Variants in WDR64 observed in about 807,000 individuals in gnomAD.
WDR64 encodes the protein WD repeat domain 64, also known as WD repeat-containing protein 64.
In WDR64, 112 loss-of-function variants were observed where a neutral mutation model predicts 139.3. That is an observed-to-expected ratio of 0.80 (90% CI 0.69 to 0.94). The LOEUF (loss-of-function observed/expected upper bound fraction) is 0.94, where lower values mean the gene tolerates loss of function less well. Ranked by LOEUF, WDR64 falls within the 40% of genes least tolerant of loss-of-function variation. The pLI is 0.00. For missense variants in WDR64, 1,206 were observed against 1,293.1 expected (o/e 0.93, Z 1.03); for synonymous variants, 444 against 437.7 (o/e 1.01, Z -0.18).
At chr1:241,723,596 C>T (rs562456942) in intron 10 of WDR64, among the ~76,000 whole-genome samples, 160 bp downstream of exon 10, 4 of 152,200 alleles carry the variant, frequency 2.6e-5, no homozygotes, top group Admixed American at 6.6e-5. Flanking sequence ...AGCCAATGTT[C>T]TCTCTTTCTA....
At chr1:241,748,412 G>C (rs1669845705) in intron 13 of WDR64, among the ~76,000 whole-genome samples, 1 of 152,192 alleles carries the variant, frequency 6.6e-6, no homozygotes, top group Non-Finnish European at 1.5e-5. Context: ...CTGGTTTATA[G>C]ATGGTGCCTT....
At chr1:241,787,572 G>T (rs1373153604) in intron 23 of WDR64, among the ~76,000 whole-genome samples, 1 of 151,450 alleles carries the variant, frequency 6.6e-6, no homozygotes, top group African/African-American at 2.4e-5. Flanking sequence ...AGCTGAGGCA[G>T]GAGAATCACT....
intron 21 of WDR64, among the ~76,000 whole-genome samples, chr1:241,778,573 T>C (rs1658743934): frequency 6.6e-6 from 1 of 152,226 alleles, no homozygotes; most frequent in Admixed American, 6.5e-5. Context: ...CCTGGCTCTT[T>C]ATTCCTGTTT....
At chr1:241,743,442 A>G (rs1669628555) in intron 12 of WDR64, among the ~76,000 whole-genome samples, 1 of 152,176 alleles carries the variant, frequency 6.6e-6, no homozygotes, top group Non-Finnish European at 1.5e-5. Flanking sequence ...ACTTCCCGGC[A>G]AGTGGCCCTT....
chr1:241,725,664 C>T (rs1450958395), intron 10 of WDR64, among the ~76,000 whole-genome samples: 2 of 152,184 alleles, frequency 1.3e-5, no homozygotes, highest in Non-Finnish European at 2.9e-5. Context: ...CAGTTCACAA[C>T]TGAGGACGTG....
chr1:241,784,994 T>C (rs1284771852), intron 23 of WDR64, among the ~76,000 whole-genome samples: 1 of 129,090 alleles, frequency 7.7e-6, no homozygotes, highest in Non-Finnish European at 1.7e-5. Context: ...CATCTGCTGT[T>C]TTATTTGCAG....
chr1:241,723,047 T>A (rs1192781461), intron 9 of WDR64, among the ~76,000 whole-genome samples: 9 of 152,150 alleles, frequency 5.9e-5, no homozygotes, highest in Non-Finnish European at 1.3e-4. Context: ...AGAAAAGAAC[T>A]CATAAAATAT....
rs149037778 is a variant in WDR64, at chr1:241,658,794, T to A, written c.146-1736T>A. On this transcript the variant is annotated intron_variant, in intron 1 of 27. Coordinates refer to ENST00000437684, the MANE Select transcript of WDR64 (RefSeq NM_001367482.1). ...ATTCCTGAACAAAACTCCTAAAATA[T>A]CTTAAACAGAAACCACAGAGAATGT... Among the ~76,000 whole-genome samples, 107 of 152,184 alleles carry A rather than the reference T, an allele frequency of 7.0e-4. No individual in the cohort carries two copies. In the Middle Eastern group the frequency reaches 0.01, roughly 15 times the overall value.
At chr1:241,763,197 TAAC>T (rs1396173514) in intron 15 of WDR64, among the ~76,000 whole-genome samples, 1 of 152,010 alleles carries the variant, frequency 6.6e-6, no homozygotes, top group Non-Finnish European at 1.5e-5. Context: ...ACCAGGCAGT[TAAC>T]AAATAATTGT....
intron 2 of WDR64, among the ~76,000 whole-genome samples, chr1:241,664,481 A>G (rs922215916): frequency 5.9e-5 from 9 of 152,376 alleles, no homozygotes; most frequent in African/African-American, 2.2e-4. Flanking sequence ...TAGCCCATAA[A>G]TGCCAACAAA....
intron 25 of WDR64, among the ~76,000 whole-genome samples, chr1:241,790,939 G>A (rs1401537785): frequency 6.6e-6 from 1 of 152,004 alleles, no homozygotes; most frequent in African/African-American, 2.4e-5. Context: ...TCTGAAGGTT[G>A]TAAGAGAGAA....
At chr1:241,762,669 G>A (rs1171737032) in intron 15 of WDR64, among the ~76,000 whole-genome samples, 2 of 151,872 alleles carry the variant, frequency 1.3e-5, no homozygotes, top group South Asian at 2.1e-4. Context: ...GTTACAGCAG[G>A]AGCAATTGAG....
chr1:241,790,647 T>C lies in WDR64; in HGVS notation c.2948T>C (p.Phe983Ser). ...TTCAAACGCACACCTCCCAAGGCCT[T>C]TGAAGTGGAACAGGATTTCAAGTTT... is the stretch of plus-strand genomic sequence containing the variant. ...LLFKRTPPKA[F>S]EVEQDFKFFK... The change falls in exon 25 of 28, where the codon TTT (phenylalanine) becomes TCT (serine). Residue 983 changes from phenylalanine (F) to serine (S), a missense_variant. Phe to Ser is a radical substitution (Grantham distance 155). Coordinates refer to ENST00000437684, the MANE Select transcript of WDR64 (RefSeq NM_001367482.1). 6.2e-7 allele frequency: 1 copy of C among 1,612,722 alleles called. No homozygotes were observed. The highest frequency in any genetic ancestry group is 1.3e-5 in the African/African-American group (1 of 74,820).
intron 10 of WDR64, among the ~76,000 whole-genome samples, chr1:241,725,436 AC>A (rs987776889): frequency 4.0e-5 from 6 of 148,250 alleles, no homozygotes; most frequent in Non-Finnish European, 7.5e-5. Context: ...CTCCTCGTAC[AC>A]CCCCTACCCC....
intron 1 of WDR64, among the ~76,000 whole-genome samples, chr1:241,659,014 A>G (rs1665723337): frequency 6.6e-6 from 1 of 152,058 alleles, no homozygotes; most frequent in South Asian, 2.1e-4. Flanking sequence ...CCAGGTATCA[A>G]GCCCAATATC....
rs1203955798 is a variant in WDR64, at chr1:241,772,801, C to T, written c.2300C>T (p.Thr767Ile). ...TTAATTTCTCGAATAGGTGAACAAA[C>T]AGATGTAATGGTGGGAAAGCAACAG... ...IHDSEVKGEQTDVMVGKQQPM... is the reference protein window; with the variant it reads ...IHDSEVKGEQIDVMVGKQQPM... The change falls in exon 20 of 28, where the codon ACA becomes ATA. Residue 767 changes from threonine (T) to isoleucine (I), a missense_variant. Thr to Ile is a moderately conservative substitution (Grantham distance 89). Coordinates refer to ENST00000437684, the MANE Select transcript of WDR64 (RefSeq NM_001367482.1). The T allele has an allele frequency of 1.9e-6, 3 of 1,551,680 alleles. No individual in the cohort carries two copies. Among genetic ancestry groups the T allele is most frequent in the Non-Finnish European group, 2.6e-6 (3 of 1,146,968 alleles).
In WDR64 at chr1:241,749,766, G is replaced by A. The variant is rs75726248; in HGVS notation, c.1770+44G>A. 20 of 1,111,838 alleles carry A rather than the reference G, an allele frequency of 1.8e-5. No homozygotes were observed. In the East Asian group the frequency reaches 2.9e-4, roughly 16 times the overall value. 68.9% of individuals were successfully genotyped at this position (1,111,838 alleles called of 1,614,324 possible). Reference sequence around the variant, plus strand: ...TACTCGTACTGCAGGTGCCCTTTTTGGGAAAATCAAATGAGTCAGTGGATA... The same window carrying A: ...TACTCGTACTGCAGGTGCCCTTTTTAGGAAAATCAAATGAGTCAGTGGATA... On this transcript the variant is annotated intron_variant, in intron 14 of 27. Coordinates refer to ENST00000437684, the MANE Select transcript of WDR64 (RefSeq NM_001367482.1).
chr1:241,734,694 T>C (rs977876340), intron 10 of WDR64, among the ~76,000 whole-genome samples: 2 of 151,984 alleles, frequency 1.3e-5, no homozygotes, highest in African/African-American at 4.8e-5. Context: ...CCGAGAGTTA[T>C]AGTCTAGTAG....
Position 241,652,510 on chromosome 1 carries a change from T to C in WDR64, c.26T>C (p.Leu9Pro), listed in dbSNP as rs1391320473. Residue 9 changes from leucine (L) to proline (P), a missense_variant, in exon 1 of 28, where the codon CTC becomes CCC. Leu to Pro is a moderately conservative substitution (Grantham distance 98, BLOSUM62 -3). Transcript: ENST00000437684. MDIRKEKR[L>P]NMALQMSNFK... ...ATGGATATCAGGAAGGAAAAGCGTC[T>C]CAACATGGCACTTCAGATGAGCAAT... is the stretch of plus-strand genomic sequence containing the variant. 1 of 1,552,276 alleles carries C rather than the reference T, an allele frequency of 6.4e-7. No individual in the cohort carries two copies. The highest frequency in any genetic ancestry group is 2.0e-5 in the Admixed American group (1 of 51,012).
Sources: gnomAD v4.1 joint callset for allele counts (sites outside exome capture counted in the v4.1 genomes callset) on GRCh38, gnomAD v4.1.1 for gene constraint, MANE v1.5 for transcripts, NCBI Gene and HGNC (gene_info 2026-07-23, HGNC 2026-07-21) for gene names.